PACSIN2: variants seen among roughly 807,000 people sequenced by gnomAD.
The protein encoded by PACSIN2 is protein kinase C and casein kinase substrate in neurons protein 2.
PACSIN2 carries 25 observed loss-of-function variants against 63.8 expected under a neutral mutation model. That is an observed-to-expected ratio of 0.39 (90% CI 0.29 to 0.55). The LOEUF (loss-of-function observed/expected upper bound fraction) is 0.55. Ranked by LOEUF, PACSIN2 falls within the 20% of genes least tolerant of loss-of-function variation. The pLI, the probability that PACSIN2 is intolerant of heterozygous loss-of-function variation, is 0.62. For missense variants in PACSIN2, 518 were observed against 646.9 expected, an observed-to-expected ratio of 0.80 and a Z score of 2.16; for synonymous variants, 255 against 256.2, an observed-to-expected ratio of 1.00 and a Z score of 0.05.
intron 1 of PACSIN2, among the ~76,000 whole-genome samples, chr22:42,932,829 C>T (rs1318584922): frequency 1.3e-5 from 2 of 152,012 alleles, no homozygotes; most frequent in Non-Finnish European, 2.9e-5. Flanking sequence ...GCACTTCCCA[C>T]CTGGAGCCTC....
intron 4 of PACSIN2, among the ~76,000 whole-genome samples, 174 bp downstream of exon 4, chr22:42,890,773 G>C (rs1419107619): frequency 6.6e-6 from 1 of 152,214 alleles, no homozygotes; most frequent in Non-Finnish European, 1.5e-5. Flanking sequence ...TCTTCAACCT[G>C]GGTAAATGTC....
chr22:42,968,464 A>C (rs1921008864), intron 1 of PACSIN2, among the ~76,000 whole-genome samples: 1 of 152,216 alleles, frequency 6.6e-6, no homozygotes, highest in Non-Finnish European at 1.5e-5. Context: ...AAGATGGGAA[A>C]AGAAATAGGT....
chr22:42,876,392 CCCG>C (rs1928632478), intron 9 of PACSIN2, 59 bp from the exon 10 acceptor site: 3 of 1,482,900 alleles, frequency 2.0e-6, no homozygotes, highest in Non-Finnish European at 2.8e-6. Context: ...GTGTGAGGCC[CCCG>C]CCCCGCAAGG....
chr22:42,935,072 C>T (rs1466400791), intron 1 of PACSIN2, among the ~76,000 whole-genome samples: 4 of 151,368 alleles, frequency 2.6e-5, no homozygotes, highest in African/African-American at 7.3e-5. Context: ...CCCGCCACCG[C>T]GCCCGGCTAA....
intron 3 of PACSIN2, among the ~76,000 whole-genome samples, chr22:42,892,754 C>T (rs575619285): frequency 6.6e-6 from 1 of 152,322 alleles, no homozygotes; most frequent in South Asian, 2.1e-4. Context: ...CCTGGCTCCC[C>T]TGATTGGCTG....
At chr22:42,990,580 G>C (rs1220896351) in intron 1 of PACSIN2, among the ~76,000 whole-genome samples, 1 of 152,186 alleles carries the variant, frequency 6.6e-6, no homozygotes, top group African/African-American at 2.4e-5. Context: ...AGTTTTGAAG[G>C]ATGAGTTCAG....
At chr22:42,918,386 G>C (rs1475257548) in intron 1 of PACSIN2, among the ~76,000 whole-genome samples, 1 of 152,166 alleles carries the variant, frequency 6.6e-6, no homozygotes, top group Admixed American at 6.5e-5. Flanking sequence ...AAATTTTCTA[G>C]AAGTGGGATA....
chr22:42,871,509 A>ACAC lies in PACSIN2; in HGVS notation c.1349-43_1349-41dup, dbSNP rs761566930. Reference sequence around the variant, plus strand: ...GGGAGCCGTCTCCATGAGAGGTATGACACCGACGGTGGGCTACAGAGCCGC... The same window carrying ACAC: ...GGGAGCCGTCTCCATGAGAGGTATGACACCACCGACGGTGGGCTACAGAGCCGC... On this transcript the variant is annotated intron_variant, in intron 10 of 10. Coordinates refer to ENST00000263246, the MANE Select transcript of PACSIN2 (RefSeq NM_001184970.3). This position sits in a 1 kb window ranked among gnomAD's most constrained non-coding sequence, Gnocchi z 5.4. 23 of 1,464,924 alleles carry ACAC rather than the reference A, an allele frequency of 1.6e-5. No homozygotes were observed. The East Asian group carries it at 5.2e-4, about 33-fold the overall frequency. 90.7% of individuals were successfully genotyped at this position (1,464,924 alleles called of 1,614,324 possible).
In PACSIN2 at chr22:42,888,653, T is replaced by G. The variant is rs1195453728; in HGVS notation, c.599A>C (p.Asp200Ala). 6.2e-7 allele frequency: 1 copy of G among 1,614,200 alleles called. No homozygotes were observed. The highest frequency in any genetic ancestry group is 2.2e-5 in the East Asian group (1 of 44,890). Residue 200 changes from aspartate to alanine, a missense_variant, in exon 5 of 11, where the codon GAT (aspartate) becomes GCT (alanine). Asp to Ala is a moderately radical substitution (Grantham distance 126). This residue lies in a region of PACSIN2 where 507 missense variants were observed against 612.3 expected (regional missense o/e 0.83). Transcript: ENST00000263246. The stretch of plus-strand genomic sequence containing the variant: ...AAGTGTACAGTTTACCTTAAGAACA[T>G]CTTGCTTGCACTTTTCTATTTTGTC... ...LQDKIEKCKQ[D>A]VLKTKEKYEK...
In PACSIN2 at chr22:42,910,367, C is replaced by G. The variant is rs191032422; in HGVS notation, c.60+1654G>C. Among the ~76,000 whole-genome samples, 8 of 152,340 alleles carry G rather than the reference C, an allele frequency of 5.3e-5. No individual in the cohort carries two copies. In the East Asian group the frequency reaches 1.5e-3, roughly 29 times the overall value. ...GTGTTGAGAACAAGGGCCTGCACTT[C>G]TAAAGGCTGGAGAGCTCACAGGAAG... On this transcript the variant is annotated intron_variant, in intron 2 of 10. Transcript: ENST00000263246.
chr22:42,982,189 C>T (rs1922219435), intron 1 of PACSIN2, among the ~76,000 whole-genome samples: 1 of 105,528 alleles, frequency 9.5e-6, no homozygotes, highest in Non-Finnish European at 2.0e-5. Flanking sequence ...TCTGCCCGGC[C>T]GCCCCTACTG....
intron 1 of PACSIN2, among the ~76,000 whole-genome samples, chr22:42,917,083 C>G (rs1041154294): frequency 6.6e-6 from 1 of 152,134 alleles, no homozygotes; most frequent in African/African-American, 2.4e-5. Context: ...GACACTGCGC[C>G]CCATGCACTA....
chr22:42,876,914 A>G lies in PACSIN2; in HGVS notation c.1125T>C (p.Ser375=). 1 of 1,614,176 alleles carries G rather than the reference A, an allele frequency of 6.2e-7. No individual in the cohort carries two copies. Among genetic ancestry groups the G allele is most frequent in the East Asian group, 2.2e-5 (1 of 44,868 alleles). The part of the protein sequence containing the change: ...EDEDDTGSTV[S]EKDDTKAKNV... ...TTTTGGCCTTAGTGTCGTCCTTCTC[A>G]CTGACGGTGCTGCCCGTGTCGTCCT... The change falls in exon 9 of 11, where the codon AGT becomes AGC. Residue 375 remains serine (S), a synonymous_variant. Coordinates refer to ENST00000263246, the MANE Select transcript of PACSIN2 (RefSeq NM_001184970.3).
At chr22:42,944,071 C>T (rs749512992) in intron 1 of PACSIN2, among the ~76,000 whole-genome samples, 7 of 152,170 alleles carry the variant, frequency 4.6e-5, no homozygotes, top group Non-Finnish European at 1.0e-4. Context: ...GTTGGTAGTC[C>T]TGGCCACATC....
intron 1 of PACSIN2, among the ~76,000 whole-genome samples, chr22:42,975,564 AAAC>A (rs1921639869): frequency 6.6e-6 from 1 of 150,804 alleles, no homozygotes; most frequent in Non-Finnish European, 1.5e-5. Context: ...TAAAATTCAT[AAAC>A]AAAAATAGAA....
At chr22:42,949,624 G>C (rs1397030087) in intron 1 of PACSIN2, among the ~76,000 whole-genome samples, 1 of 151,538 alleles carries the variant, frequency 6.6e-6, no homozygotes, top group Non-Finnish European at 1.5e-5. Context: ...AAAATGTCTT[G>C]GTTACTCTCT....
chr22:42,923,239 G>A (rs988632818), intron 1 of PACSIN2, among the ~76,000 whole-genome samples: 50 of 152,278 alleles, frequency 3.3e-4, no homozygotes, highest in African/African-American at 8.2e-4. Context: ...TCTTCTCAAT[G>A]CATGATATAT....
At chr22:42,884,357 G>C in intron 6 of PACSIN2, 29 bp downstream of exon 6, 3 of 1,594,518 alleles carry the variant, frequency 1.9e-6, no homozygotes, top group Non-Finnish European at 2.6e-6. Context: ...CTTCAATGAC[G>C]TGTGTGTTTT....
chr22:42,969,352 T>C (rs1921069355), intron 1 of PACSIN2, among the ~76,000 whole-genome samples: 3 of 152,222 alleles, frequency 2.0e-5, no homozygotes, highest in Admixed American at 6.5e-5. Context: ...CTCATTTCAA[T>C]TGGAATTCTT....
Sources: gnomAD v4.1 joint callset for allele counts (sites outside exome capture counted in the v4.1 genomes callset) on GRCh38, gnomAD v4.1.1 for gene constraint, gnomAD v4.1.1 regional missense constraint, Gnocchi (gnomAD v3.1) non-coding constraint, MANE v1.5 for transcripts, NCBI Gene and HGNC (gene_info 2026-07-23, HGNC 2026-07-21) for gene names.